PAIP1: variants seen among roughly 807,000 people sequenced by gnomAD.
The protein encoded by PAIP1 is poly(A) binding protein interacting protein 1.
PAIP1 carries 16 observed loss-of-function variants against 61.3 expected under a neutral mutation model. The ratio of observed to expected loss-of-function variants is 0.26; its 90% CI spans 0.18 to 0.40. PAIP1 has a LOEUF of 0.40. PAIP1 is among the 10% of genes least tolerant of loss of function. PAIP1 has a pLI of 1.00. For missense variants in PAIP1, 416 were observed against 600.9 expected (o/e 0.69, Z 3.22); for synonymous variants, 187 against 226.2 (o/e 0.83, Z 1.56).
intron 2 of PAIP1, among the ~76,000 whole-genome samples, chr5:43,554,958 T>C (rs1271657674): frequency 1.3e-5 from 2 of 152,244 alleles, no homozygotes; most frequent in Admixed American, 1.3e-4. Flanking sequence ...TGGAATGTTA[T>C]AAAAATAAGT....
At chr5:43,555,725 T>C in intron 2 of PAIP1, 105 bp downstream of exon 2, 3 of 888,908 alleles carry the variant, frequency 3.4e-6, no homozygotes, top group South Asian at 2.4e-5. Flanking sequence ...AAAAAAATTT[T>C]TTTACGTGTA....
chr5:43,532,726 C>A (rs1473420937), intron 9 of PAIP1, among the ~76,000 whole-genome samples: 2 of 152,166 alleles, frequency 1.3e-5, no homozygotes. Context: ...AGCTAAGAAT[C>A]ACTTTGTTCT....
Position 43,556,013 on chromosome 5 carries a change from A to C in PAIP1, c.266-14T>G. 3.1e-6 allele frequency: 5 copies of C among 1,603,944 alleles called. No homozygotes were observed. The highest frequency in any genetic ancestry group is 4.2e-6 in the Non-Finnish European group (5 of 1,177,222). ...GCCTCGTTTGCTCTGCAAAAGAAAAAAAAACGGGGCGTCAGATGCATTCTT... is the reference window on the plus strand; with the variant it reads ...GCCTCGTTTGCTCTGCAAAAGAAAACAAAACGGGGCGTCAGATGCATTCTT... On this transcript the variant is annotated splice_polypyrimidine_tract_variant and intron_variant, in intron 1 of 10. Transcript: ENST00000306846.
chr5:43,538,384 T>A (rs1003472276), intron 5 of PAIP1, among the ~76,000 whole-genome samples: 1 of 152,218 alleles, frequency 6.6e-6, no homozygotes, highest in African/African-American at 2.4e-5. Context: ...ATGCATATGT[T>A]AAATAGCTTG....
intron 10 of PAIP1, among the ~76,000 whole-genome samples, chr5:43,529,118 G>T: frequency 1.0e-5 from 1 of 99,992 alleles, no homozygotes; most frequent in Admixed American, 1.3e-4. Flanking sequence ...GTATTCTCAT[G>T]TAGTTCTCAA....
intron 7 of PAIP1, 134 bp from the exon 8 acceptor site, chr5:43,535,104 CTA>C: frequency 1.6e-6 from 1 of 627,528 alleles, no homozygotes; most frequent in Non-Finnish European, 2.8e-6. Context: ...TAGACGTTTC[CTA>C]TATGACATAA....
At chr5:43,548,935 G>C (rs185308549) in intron 2 of PAIP1, among the ~76,000 whole-genome samples, 1 of 152,230 alleles carries the variant, frequency 6.6e-6, no homozygotes, top group African/African-American at 2.4e-5. Context: ...CTCCATGTTG[G>C]AGAAAGACAG....
At chr5:43,536,305 A>G (rs1264929913) in intron 6 of PAIP1, among the ~76,000 whole-genome samples, 1 of 152,202 alleles carries the variant, frequency 6.6e-6, no homozygotes, top group African/African-American at 2.4e-5. Context: ...ATCTGCACAT[A>G]TATATGACAA....
chr5:43,548,312 A>C (rs1487190678), intron 2 of PAIP1, among the ~76,000 whole-genome samples: 1 of 152,186 alleles, frequency 6.6e-6, no homozygotes, highest in Non-Finnish European at 1.5e-5. Flanking sequence ...AAGAACGGCC[A>C]CATGTAGCTT....
chr5:43,556,888 T>G lies in PAIP1; in HGVS notation c.-42A>C. 7.4e-7 allele frequency: 1 copy of G among 1,359,554 alleles called. No homozygotes were observed. The highest frequency in any genetic ancestry group is 3.9e-5 in the Admixed American group (1 of 25,450). 84.2% of individuals were successfully genotyped at this position (1,359,554 alleles called of 1,614,324 possible). On this transcript the variant is annotated 5_prime_UTR_variant, in exon 1 of 11. Coordinates refer to ENST00000306846, the MANE Select transcript of PAIP1 (RefSeq NM_006451.5). ...CTCCTCCTCCAGGGGCCGCTGCCGC[T>G]GCGCTCGCGATAGGACGCGGGGGGA...
At chr5:43,536,665 A>G (rs1293088104) in intron 6 of PAIP1, among the ~76,000 whole-genome samples, 154 bp downstream of exon 6, 1 of 152,218 alleles carries the variant, frequency 6.6e-6, no homozygotes, top group Non-Finnish European at 1.5e-5. Context: ...CAATAAGTAT[A>G]TCTCGCTTTT....
At chr5:43,547,080 G>A (rs1747668246) in intron 3 of PAIP1, among the ~76,000 whole-genome samples, 1 of 115,044 alleles carries the variant, frequency 8.7e-6, no homozygotes, top group Non-Finnish European at 1.8e-5. Context: ...GCGTTAATAT[G>A]TTAATGACCA....
chr5:43,533,849 G>C lies in PAIP1; in HGVS notation c.1198-57C>G. The C allele has an allele frequency of 2.9e-6, 3 of 1,028,730 alleles. No individual in the cohort carries two copies. The South Asian group carries it at 3.8e-5, about 13-fold the overall frequency. The allele number at this position is 1,028,730 out of a possible 1,614,324, so 63.7% of individuals were successfully genotyped here. On this transcript the variant is annotated intron_variant, in intron 8 of 10. Coordinates refer to ENST00000306846, the MANE Select transcript of PAIP1 (RefSeq NM_006451.5). Reference sequence around the variant, plus strand: ...ATCATTTCAGAATTGATTTTTGTAAGTACAATAATGAAGCATGGCTGATGT... The same window carrying C: ...ATCATTTCAGAATTGATTTTTGTAACTACAATAATGAAGCATGGCTGATGT...
intron 9 of PAIP1, among the ~76,000 whole-genome samples, chr5:43,532,266 G>C (rs1014118847): frequency 6.6e-6 from 1 of 152,120 alleles, no homozygotes; most frequent in Non-Finnish European, 1.5e-5. Context: ...TGTCTTACCA[G>C]ACATAGCAAG....
At chr5:43,529,726 A>G in intron 10 of PAIP1, 60 bp downstream of exon 10, 1 of 896,146 alleles carries the variant, frequency 1.1e-6, no homozygotes, top group Non-Finnish European at 1.9e-6. Flanking sequence ...ACTTTGTCTA[A>G]TCTCCACCTA....
chr5:43,546,268 T>C (rs145894955), intron 3 of PAIP1, among the ~76,000 whole-genome samples: 85 of 152,378 alleles, frequency 5.6e-4, no homozygotes, highest in African/African-American at 2.0e-3. Flanking sequence ...ACTGACCCTT[T>C]GTCCAGCCCT....
intron 3 of PAIP1, among the ~76,000 whole-genome samples, chr5:43,545,526 A>G (rs12332560): frequency 0.56 from 84,851 of 151,972 alleles, 25,411 homozygotes; most frequent in African/African-American, 0.75. Context: ...TTCCATCCTT[A>G]TTTTAGAACC....
intron 9 of PAIP1, among the ~76,000 whole-genome samples, chr5:43,532,917 G>GTATGAAAA (rs1746999311): frequency 6.6e-6 from 1 of 152,228 alleles, no homozygotes; most frequent in Non-Finnish European, 1.5e-5. Context: ...CATACAATCT[G>GTATGAAAA]ATGGACAAAA....
At chr5:43,543,310 CAAAAAA>C (rs11427976) in intron 3 of PAIP1, among the ~76,000 whole-genome samples, 194 bp from the exon 4 acceptor site, 4 of 96,044 alleles carry the variant, frequency 4.2e-5, no homozygotes, top group East Asian at 2.3e-4. Context: ...ACAATAAGTA[CAAAAAA>C]AAAAAAAAAA....
Sources: gnomAD v4.1 joint callset for allele counts (sites outside exome capture counted in the v4.1 genomes callset) on GRCh38, gnomAD v4.1.1 for gene constraint, MANE v1.5 for transcripts, NCBI Gene and HGNC (gene_info 2026-07-23, HGNC 2026-07-21) for gene names.